Variants in SYBU observed in about 807,000 individuals in gnomAD.
SYBU encodes the protein syntabulin.
In SYBU, 21 loss-of-function variants were observed where a neutral mutation model predicts 35.9. The observed-to-expected ratio is 0.58, with a 90% CI of 0.41 to 0.84. SYBU has a LOEUF of 0.84. SYBU is among the 40% of genes least tolerant of loss of function. SYBU has a pLI of 0.00. For synonymous variants in SYBU, 319 were observed against 324.3 expected (o/e 0.98, Z 0.18); for missense variants, 768 against 848.2 (o/e 0.91, Z 1.17).
intron 1 of SYBU, among the ~76,000 whole-genome samples, chr8:109,654,014 C>A (rs1358110042): frequency 6.6e-6 from 1 of 152,068 alleles, no homozygotes; most frequent in Non-Finnish European, 1.5e-5. Flanking sequence ...TGGAAGAGCA[C>A]CCTGCACACA....
At chr8:109,651,140 C>T (rs1816117921) in intron 1 of SYBU, among the ~76,000 whole-genome samples, 1 of 152,202 alleles carries the variant, frequency 6.6e-6, no homozygotes. Flanking sequence ...CTAGAAGTTT[C>T]AGGATGGCTT....
chr8:109,624,211 T>C (rs77744653), intron 2 of SYBU, among the ~76,000 whole-genome samples: 3,975 of 152,064 alleles, frequency 0.026, 183 homozygotes, highest in African/African-American at 0.091. Flanking sequence ...ATTACAGAGA[T>C]AGAGAAAGGC....
chr8:109,689,480 G>A (rs1412641081), intron 1 of SYBU, among the ~76,000 whole-genome samples: 1 of 152,026 alleles, frequency 6.6e-6, no homozygotes, highest in East Asian at 1.9e-4. Context: ...CTACTGCCAT[G>A]TCCACCTATT....
rs1402985088 is a variant in SYBU at position 109,691,151 on chromosome 8, C to T, written c.-58+182G>A. 2.0e-5 allele frequency among the ~76,000 whole-genome samples: 3 copies of T among 152,210 alleles called. No individual in the cohort carries two copies. The highest frequency in any genetic ancestry group is 4.8e-5 in the African/African-American group (2 of 41,454). On this transcript the variant is annotated intron_variant, in intron 1 of 7. Coordinates refer to the SYBU transcript ENST00000422135. This position sits in a 1 kb window ranked among gnomAD's most constrained non-coding sequence, Gnocchi z 4.7. ...CCATGTGCTGAGAGTGCCCTTGATT[C>T]CCCATTTTCCACGACCTTCTTCTGT... is the stretch of plus-strand genomic sequence containing the variant.
rs1822219675 is a variant in SYBU, at chr8:109,575,836, G to C, written c.1062C>G (p.Gly354=). 1 of 1,613,982 alleles carries C rather than the reference G, an allele frequency of 6.2e-7. No homozygotes were observed. The highest frequency in any genetic ancestry group is 1.3e-5 in the African/African-American group (1 of 74,980). Residue 354 remains glycine, a synonymous_variant, in exon 7 of 7, where the codon GGC becomes GGG. Transcript: ENST00000276646. ...MRSSLADKDK[G]IQKYFVDINI... ...TTATGTCCACAAAATATTTCTGAATGCCTTTATCTTTATCAGCCAAGCTGC... is the reference window on the plus strand; with the variant it reads ...TTATGTCCACAAAATATTTCTGAATCCCTTTATCTTTATCAGCCAAGCTGC...
chr8:109,613,706 T>C (rs906166924), intron 3 of SYBU, among the ~76,000 whole-genome samples: 5 of 152,358 alleles, frequency 3.3e-5, no homozygotes, highest in African/African-American at 1.2e-4. Flanking sequence ...TTCACAGAAC[T>C]AACTTTGAAG....
At chr8:109,658,139 G>C (rs1021407700) in intron 1 of SYBU, among the ~76,000 whole-genome samples, 2 of 152,188 alleles carry the variant, frequency 1.3e-5, no homozygotes, top group African/African-American at 2.4e-5. Flanking sequence ...GACAGTGCCA[G>C]ATCTAATATC....
At chr8:109,618,503 TACTA>T (rs768151229) in intron 3 of SYBU, among the ~76,000 whole-genome samples, 6 of 152,274 alleles carry the variant, frequency 3.9e-5, no homozygotes, top group Non-Finnish European at 7.3e-5. Context: ...CTTATGATAG[TACTA>T]ACTAATTGCT....
At chr8:109,590,767 G>GAAAA (rs10691264) in intron 3 of SYBU, among the ~76,000 whole-genome samples, 88 of 122,038 alleles carry the variant, frequency 7.2e-4, no homozygotes, top group African/African-American at 2.3e-3. Context: ...CATAAAATTA[G>GAAAA]AAAAAAAAAA....
chr8:109,626,611 C>T (rs967230823), intron 2 of SYBU, among the ~76,000 whole-genome samples: 3 of 152,168 alleles, frequency 2.0e-5, no homozygotes, highest in African/African-American at 7.2e-5. Context: ...TGCCTAAAAA[C>T]CAGTGCCATC....
At chr8:109,668,384 A>T (rs995183088) in intron 1 of SYBU, among the ~76,000 whole-genome samples, 7 of 152,158 alleles carry the variant, frequency 4.6e-5, no homozygotes, top group African/African-American at 1.4e-4. Flanking sequence ...CTGGTATTTT[A>T]AAAAAATTGA....
rs899266444 is a variant in SYBU at position 109,656,010 on chromosome 8, G to A, written c.-129+24701C>T. Among the ~76,000 whole-genome samples, 6 of 152,228 alleles carry A rather than the reference G, an allele frequency of 3.9e-5. No homozygotes were observed. The East Asian group carries it at 7.7e-4, about 20-fold the overall frequency. The stretch of plus-strand genomic sequence containing the variant: ...ATGTGCCTGTAATCTCAGCTACTCC[G>A]GAGGCTGAGGCAGGAGAATCGCTTG... On this transcript the variant is annotated intron_variant, in intron 1 of 5. Transcript: ENST00000408889.
intron 4 of SYBU, 78 bp downstream of exon 4, chr8:109,585,982 G>A: frequency 1.1e-6 from 1 of 892,282 alleles, no homozygotes; most frequent in Non-Finnish European, 1.8e-6. Flanking sequence ...AGTAATCCGG[G>A]TGGTTCTACA....
intron 2 of SYBU, among the ~76,000 whole-genome samples, chr8:109,627,119 G>A (rs1813068089): frequency 6.6e-6 from 1 of 151,684 alleles, no homozygotes; most frequent in Non-Finnish European, 1.5e-5. Context: ...GTTATGGTTT[G>A]ATTCTGTTCG....
rs558243782 is a variant in SYBU at position 109,654,522 on chromosome 8, C to T, written c.-129+26189G>A. Among the ~76,000 whole-genome samples the T allele has an allele frequency of 3.3e-5, 5 of 152,318 alleles. No homozygotes were observed. In the South Asian group the frequency reaches 6.2e-4, roughly 19 times the overall value. On this transcript the variant is annotated intron_variant, in intron 1 of 5. Coordinates refer to the SYBU transcript ENST00000408889. The stretch of plus-strand genomic sequence containing the variant: ...GCTTTTGCTCACTTTCAAGCCCTCA[C>T]CCTTTTATTCTTTCATCCATCCTTC...
chr8:109,603,378 C>G, intron 3 of SYBU: 1 of 984,684 alleles, frequency 1.0e-6, no homozygotes, highest in Non-Finnish European at 1.2e-6. Context: ...GCTCTGCTCA[C>G]AAATTATGCT....
At chr8:109,586,582 GT>G (rs1165190393) in intron 3 of SYBU, 13 of 157,568 alleles carry the variant, frequency 8.3e-5, no homozygotes, top group Non-Finnish European at 1.4e-5. Flanking sequence ...GGCTTCTGTA[GT>G]CAGCTACTCA....
chr8:109,630,189 C>T (rs10095412), intron 2 of SYBU, among the ~76,000 whole-genome samples: 49,043 of 146,634 alleles, frequency 0.33, 9,631 homozygotes, highest in African/African-American at 0.56. Context: ...AACCAAACAC[C>T]GCATATTCTC....
At chr8:109,661,525 C>A (rs534007023) in intron 1 of SYBU, among the ~76,000 whole-genome samples, 1 of 152,156 alleles carries the variant, frequency 6.6e-6, no homozygotes, top group African/African-American at 2.4e-5. Flanking sequence ...TGTGCCTGGA[C>A]CACACAGAAT....
Sources: gnomAD v4.1 joint callset for allele counts (sites outside exome capture counted in the v4.1 genomes callset) on GRCh38, gnomAD v4.1.1 for gene constraint, Gnocchi (gnomAD v3.1) non-coding constraint, MANE v1.5 for transcripts, NCBI Gene and HGNC (gene_info 2026-07-23, HGNC 2026-07-21) for gene names.